Variants in CNTFR observed in about 807,000 individuals in gnomAD.
CNTFR encodes the protein ciliary neurotrophic factor receptor.
In CNTFR, 12 loss-of-function variants were observed where a neutral mutation model predicts 40.4. That is an observed-to-expected ratio of 0.30 (90% CI 0.19 to 0.48). CNTFR has a LOEUF of 0.48. Ranked by LOEUF, CNTFR falls within the 20% of genes least tolerant of loss-of-function variation. The pLI, the probability that CNTFR is intolerant of heterozygous loss-of-function variation, is 0.99. For synonymous variants in CNTFR, 202 were observed against 209.6 expected (o/e 0.96, Z 0.31); for missense variants, 414 against 506.8 (o/e 0.82, Z 1.76).
Position 34,557,938 on chromosome 9 carries a change from G to A in CNTFR, c.366C>T (p.Pro122=). 1 of 1,573,050 alleles carries A rather than the reference G, an allele frequency of 6.4e-7. No homozygotes were observed. Among genetic ancestry groups the A allele is most frequent in the South Asian group, 1.2e-5 (1 of 83,688 alleles). The change falls in exon 5 of 10, where the codon CCC becomes CCT. Residue 122 remains proline, a synonymous_variant. Transcript: ENST00000378980. The surrounding 1 kb of genome is among the most constrained non-coding windows in gnomAD (Gnocchi z 4.2). ...PVLSCRSNTY[P]KGFYCSWHLP... ...GATGCCAGCTGCAGTAGAAGCCCTT[G>A]GGGTAAGTGTTGGAGCGGCAGCTGA...
At chr9:34,570,790 C>T (rs925181108) in intron 2 of CNTFR, among the ~76,000 whole-genome samples, 14 of 152,172 alleles carry the variant, frequency 9.2e-5, no homozygotes, top group African/African-American at 2.9e-4. Flanking sequence ...ACAGTGCAGA[C>T]ATAGCATAAC....
chr9:34,554,013 G>C (rs998610595), intron 7 of CNTFR, among the ~76,000 whole-genome samples: 4 of 152,182 alleles, frequency 2.6e-5, no homozygotes, highest in African/African-American at 9.7e-5. Flanking sequence ...GTGGGTCCAA[G>C]CGGGGCAGGA....
In CNTFR at chr9:34,552,453, T is replaced by C; in HGVS notation, c.950-124A>G. 3.5e-6 allele frequency: 4 copies of C among 1,149,274 alleles called. No individual in the cohort carries two copies. The highest frequency in any genetic ancestry group is 4.8e-6 in the Non-Finnish European group (4 of 830,900). 71.2% of individuals were successfully genotyped at this position (1,149,274 alleles called of 1,614,324 possible). A position where few individuals can be genotyped will look rare whatever the true frequency, so the allele number is the denominator to read the frequency against. On this transcript the variant is annotated intron_variant, in intron 8 of 9. Transcript: ENST00000378980. This position sits in a 1 kb window ranked among gnomAD's most constrained non-coding sequence, Gnocchi z 5.1. ...GGTACTGCCTCCCCCATCAGGCAGA[T>C]CCTGTTTCCCAAGGCTCACAGATAA... is the stretch of plus-strand genomic sequence containing the variant.
Position 34,564,532 on chromosome 9 carries a change from A to T in CNTFR, c.319+67T>A. ...GTCCCCCTAACAGGAAGGGGACTTG[A>T]TCTGGGCTAGGAGTCTGGGTCTCAA... is the stretch of plus-strand genomic sequence containing the variant. On this transcript the variant is annotated intron_variant, in intron 4 of 9. Coordinates refer to ENST00000378980, the MANE Select transcript of CNTFR (RefSeq NM_147164.3). The T allele has an allele frequency of 2.1e-6, 3 of 1,408,658 alleles. No homozygotes were observed. In the Admixed American group the frequency reaches 5.9e-5, roughly 28 times the overall value. 87.3% of individuals were successfully genotyped at this position (1,408,658 alleles called of 1,614,324 possible). A position where few individuals can be genotyped will look rare whatever the true frequency, so the allele number is the denominator to read the frequency against.
At chr9:34,584,654 A>T (rs1827466339) in intron 1 of CNTFR, among the ~76,000 whole-genome samples, 1 of 152,236 alleles carries the variant, frequency 6.6e-6, no homozygotes, top group Admixed American at 6.5e-5. Flanking sequence ...GATGGGGTCC[A>T]TTCCCCCGAG....
intron 2 of CNTFR, among the ~76,000 whole-genome samples, chr9:34,578,992 G>A (rs1470044001): frequency 1.3e-5 from 2 of 152,226 alleles, no homozygotes; most frequent in Non-Finnish European, 2.9e-5. Flanking sequence ...GCTGCCCAGA[G>A]GGTGACGGAC....
intron 4 of CNTFR, among the ~76,000 whole-genome samples, chr9:34,562,055 G>A (rs1026651421): frequency 3.3e-5 from 5 of 152,098 alleles, no homozygotes; most frequent in Admixed American, 1.3e-4. Flanking sequence ...CCCCTCCAAC[G>A]ACCTCTCAAA....
intron 4 of CNTFR, among the ~76,000 whole-genome samples, chr9:34,564,374 C>T (rs760696896): frequency 6.6e-6 from 1 of 152,176 alleles, no homozygotes; most frequent in Non-Finnish European, 1.5e-5. Context: ...CCAAGACCTC[C>T]ACGGGGGTGG....
intron 7 of CNTFR, among the ~76,000 whole-genome samples, chr9:34,555,187 A>G (rs1159450052): frequency 1.3e-5 from 2 of 152,216 alleles, no homozygotes; most frequent in African/African-American, 4.8e-5. Flanking sequence ...TTAGCAATGC[A>G]TTAGGCGCGG....
Position 34,551,801 on chromosome 9 carries a change from G to T in CNTFR, c.*270C>A, listed in dbSNP as rs910345879. On this transcript the variant is annotated 3_prime_UTR_variant, in exon 10 of 10. Transcript: ENST00000378980. ...TCCTGGGAGTCGCTGGCATTGGAGG[G>T]TCCAGCCCAAGGGGCCAGGGTGAGG... The T allele has an allele frequency of 1.6e-6, 1 of 609,298 alleles. No individual in the cohort carries two copies. Among genetic ancestry groups the T allele is most frequent in the African/African-American group, 1.9e-5 (1 of 53,944 alleles). The allele number at this position is 609,298 out of a possible 1,614,324, so 37.7% of individuals were successfully genotyped here.
intron 4 of CNTFR, among the ~76,000 whole-genome samples, chr9:34,560,171 G>C (rs1213090167): frequency 6.6e-6 from 1 of 152,224 alleles, no homozygotes; most frequent in Non-Finnish European, 1.5e-5. Context: ...CAGCTGAGGG[G>C]CCGGGTGGGC....
At chr9:34,582,297 A>AAAAACAAAAC (rs56745437) in intron 1 of CNTFR, 1 of 142,608 alleles carries the variant, frequency 7.0e-6, no homozygotes, top group Non-Finnish European at 1.5e-5. Context: ...AAAAAAAAAA[A>AAAAACAAAAC]CACAAGCTTT....
At chr9:34,585,935 G>A (rs374932591) in intron 1 of CNTFR, among the ~76,000 whole-genome samples, 3 of 152,058 alleles carry the variant, frequency 2.0e-5, no homozygotes, top group Non-Finnish European at 2.9e-5. Context: ...AACTCGCCAT[G>A]GGGGGGCAGA....
upstream of CNTFR, chr9:34,590,166 GCACA>G (rs3840739): frequency 0.02 from 3,009 of 150,644 alleles, 92 homozygotes; most frequent in African/African-American, 0.064. Context: ...ACGCGCGCGC[GCACA>G]CACACACACA....
At chr9:34,578,947 G>C (rs1827136838) in intron 2 of CNTFR, among the ~76,000 whole-genome samples, 1 of 152,326 alleles carries the variant, frequency 6.6e-6, no homozygotes, top group South Asian at 2.1e-4. Flanking sequence ...GACAGGAGCA[G>C]GGCCAGACTC....
chr9:34,585,456 C>T (rs1384948284), intron 1 of CNTFR, among the ~76,000 whole-genome samples: 1 of 152,172 alleles, frequency 6.6e-6, no homozygotes, highest in Non-Finnish European at 1.5e-5. Context: ...GCTACTGTAG[C>T]TCTAGTCTTA....
chr9:34,554,196 C>T (rs1825745950), intron 7 of CNTFR, among the ~76,000 whole-genome samples: 1 of 152,142 alleles, frequency 6.6e-6, no homozygotes, highest in African/African-American at 2.4e-5. Context: ...CCAGTTCCAC[C>T]TCTGGCACCC....
At position 34,557,127 on chromosome 9, in the gene CNTFR, T is replaced by C. The variant is rs777795298; in HGVS notation, c.604+399A>G. Among the ~76,000 whole-genome samples the C allele has an allele frequency of 5.0e-4, 73 of 146,782 alleles. 1 individual carries two copies. Among genetic ancestry groups the C allele is most frequent in the Non-Finnish European group, 1.2e-4 (8 of 66,238 alleles). On this transcript the variant is annotated intron_variant, in intron 6 of 9. Coordinates refer to ENST00000378980, the MANE Select transcript of CNTFR (RefSeq NM_147164.3). This position sits in a 1 kb window ranked among gnomAD's most constrained non-coding sequence, Gnocchi z 4.2. The stretch of plus-strand genomic sequence containing the variant: ...GGGGGGTCAGGGGGAGGGCAGTATC[T>C]GTCCCAGTCCTGTCTCCTGTTCTGA...
At chr9:34,556,174 T>C (rs1319203475) in intron 7 of CNTFR, 81 bp downstream of exon 7, 2 of 1,459,572 alleles carry the variant, frequency 1.4e-6, no homozygotes, top group African/African-American at 1.4e-5. Flanking sequence ...CTGGAGCTGC[T>C]GCCACGTGGG....
Sources: gnomAD v4.1 joint callset for allele counts (sites outside exome capture counted in the v4.1 genomes callset) on GRCh38, gnomAD v4.1.1 for gene constraint, Gnocchi (gnomAD v3.1) non-coding constraint, MANE v1.5 for transcripts, NCBI Gene and HGNC (gene_info 2026-07-23, HGNC 2026-07-21) for gene names.